The following ZNF138 variants were observed in gnomAD, a reference collection of about 807,000 sequenced individuals.
ZNF138 encodes the protein zinc finger protein 138.
Under a neutral mutation model 33.0 loss-of-function variants are expected in ZNF138, and 33 were observed. The ratio of observed to expected loss-of-function variants is 1.00; its 90% CI spans 0.76 to 1.34. The LOEUF (loss-of-function observed/expected upper bound fraction) is 1.34, where lower values mean the gene tolerates loss of function less well. Ranked by LOEUF, ZNF138 falls within the 40% of genes most tolerant of loss-of-function variation. The pLI is 0.00. For missense variants in ZNF138, 360 were observed against 370.8 expected (o/e 0.97, Z 0.24); for synonymous variants, 139 against 120.4 (o/e 1.15, Z -1.01).
chr7:64,831,222 T>C (rs1790054222), intron 3 of ZNF138: 1 of 1,198,694 alleles, frequency 8.3e-7, no homozygotes, highest in African/African-American at 1.5e-5. Context: ...TGTGGCTCTT[T>C]GCATTGTGCA....
intron 3 of ZNF138, among the ~76,000 whole-genome samples, chr7:64,817,590 A>G (rs894170691): frequency 1.3e-5 from 2 of 152,092 alleles, no homozygotes; most frequent in African/African-American, 4.8e-5. Flanking sequence ...CAATTCTCCA[A>G]TGTGAATGTA....
the ZNF138 span, chr7:64,852,586 T>C: frequency 6.5e-7 from 1 of 1,540,416 alleles, no homozygotes; most frequent in South Asian, 1.1e-5. Context: ...TTTGCTCACA[T>C]GGTAAACAGA....
At chr7:64,821,915 CTTTTTTTT>C (rs143245584) in intron 3 of ZNF138, among the ~76,000 whole-genome samples, 1 of 85,680 alleles carries the variant, frequency 1.2e-5, no homozygotes. Flanking sequence ...CAAATATTGT[CTTTTTTTT>C]TTTTTTTTTT....
Position 64,817,988 on chromosome 7 carries a change from T to C in ZNF138, c.208+2335T>C, listed in dbSNP as rs1583850413. On this transcript the variant is annotated intron_variant, in intron 3 of 3. Transcript: ENST00000307355. ...ATCTTAATAATAACATTATTTATTA[T>C]TATTATTATTTTTTTTTTTTTTTGA... Among the ~76,000 whole-genome samples, 3 of 129,294 alleles carry C rather than the reference T, an allele frequency of 2.3e-5. No homozygotes were observed. In the East Asian group the frequency reaches 6.6e-4, roughly 28 times the overall value. 84.8% of individuals were successfully genotyped at this position (129,294 alleles called of 152,430 possible).
intron 1 of ZNF138, among the ~76,000 whole-genome samples, chr7:64,807,666 T>C (rs1787720661): frequency 1.3e-5 from 2 of 152,210 alleles, no homozygotes; most frequent in Non-Finnish European, 2.9e-5. Context: ...GGATTCAGAA[T>C]GTACAGAAAA....
At position 64,802,978 on chromosome 7, in the gene ZNF138, C is replaced by T. The variant is rs555937789; in HGVS notation, c.3+8407C>T. On this transcript the variant is annotated intron_variant, in intron 1 of 3. Transcript: ENST00000307355. ...TGGCATGAGTGACTATTTTTCCCTA[C>T]CCCCCTCTTACATAACAATTGTGTA... is the stretch of plus-strand genomic sequence containing the variant. Among the ~76,000 whole-genome samples the T allele has an allele frequency of 2.0e-5, 3 of 151,902 alleles. No homozygotes were observed. The East Asian group carries it at 5.8e-4, about 29-fold the overall frequency.
chr7:64,839,718 C>A, the ZNF138 span, among the ~76,000 whole-genome samples: 7 of 152,284 alleles, frequency 4.6e-5, no homozygotes, highest in East Asian at 1.4e-3. Context: ...AGAAGCCTGA[C>A]CTGACTGAGG....
At chr7:64,837,594 G>A (rs1487856670), downstream of ZNF138, among the ~76,000 whole-genome samples, 1 of 152,152 alleles carries the variant, frequency 6.6e-6, no homozygotes, top group Non-Finnish European at 1.5e-5. Flanking sequence ...GGTTACCCAA[G>A]ATTGGCGCGT....
chr7:64,823,484 C>A (rs1250413296), intron 3 of ZNF138, among the ~76,000 whole-genome samples: 1 of 152,084 alleles, frequency 6.6e-6, no homozygotes, highest in Non-Finnish European at 1.5e-5. Flanking sequence ...TACAGACATG[C>A]ACTACCATGT....
chr7:64,839,131 G>A, the ZNF138 span, among the ~76,000 whole-genome samples: 158 of 152,360 alleles, frequency 1.0e-3, no homozygotes, highest in South Asian at 2.1e-3. Flanking sequence ...CCTCGCCTCT[G>A]ACAAAAATTG....
At chr7:64,850,806 T>G in the ZNF138 span, among the ~76,000 whole-genome samples, 1 of 152,176 alleles carries the variant, frequency 6.6e-6, no homozygotes, top group Non-Finnish European at 1.5e-5. Flanking sequence ...TACAGGAAAT[T>G]TATTCACTCT....
At chr7:64,849,411 C>T in the ZNF138 span, among the ~76,000 whole-genome samples, 2 of 152,150 alleles carry the variant, frequency 1.3e-5, no homozygotes, top group Non-Finnish European at 2.9e-5. Flanking sequence ...TTTTTGTACT[C>T]GTTGGCTACT....
intron 1 of ZNF138, among the ~76,000 whole-genome samples, chr7:64,813,455 A>G (rs1170005097): frequency 7.3e-6 from 1 of 137,662 alleles, no homozygotes; most frequent in Non-Finnish European, 1.6e-5. Flanking sequence ...TTTTTTTTTA[A>G]TGGAGTCTCG....
intron 3 of ZNF138, among the ~76,000 whole-genome samples, chr7:64,821,146 GTGGTGCAATCT>G (rs1353476983): frequency 1.5e-5 from 2 of 129,908 alleles, no homozygotes; most frequent in Non-Finnish European, 3.3e-5. Flanking sequence ...CTGGAGTGCA[GTGGTGCAATCT>G]CGGCTCGCTG....
intron 1 of ZNF138, among the ~76,000 whole-genome samples, chr7:64,812,113 A>G (rs1028156133): frequency 2.3e-4 from 11 of 48,052 alleles, no homozygotes; most frequent in African/African-American, 7.4e-4. Context: ...TCAGGTGAGG[A>G]CAGAATCAAG....
chr7:64,807,910 A>T (rs920958238), intron 1 of ZNF138, among the ~76,000 whole-genome samples: 1 of 152,216 alleles, frequency 6.6e-6, no homozygotes, highest in Admixed American at 6.5e-5. Context: ...AACTGTACCT[A>T]CCCATAAAAT....
At chr7:64,811,453 C>T (rs1027042730) in intron 1 of ZNF138, among the ~76,000 whole-genome samples, 2 of 152,142 alleles carry the variant, frequency 1.3e-5, no homozygotes, top group Non-Finnish European at 2.9e-5. Flanking sequence ...TCAAGTGATT[C>T]TCCTACCTCG....
the ZNF138 span, among the ~76,000 whole-genome samples, chr7:64,840,277 C>T: frequency 1.3e-5 from 2 of 152,094 alleles, no homozygotes; most frequent in African/African-American, 4.8e-5. Flanking sequence ...TCCTACCTTA[C>T]TCAAGGGTGT....
chr7:64,827,370 G>A (rs929255371), intron 3 of ZNF138, among the ~76,000 whole-genome samples: 1 of 151,518 alleles, frequency 6.6e-6, no homozygotes, highest in African/African-American at 2.4e-5. Context: ...TCAGCCTCCC[G>A]AGTAGCTGGG....
Sources: allele counts gnomAD v4.1 joint callset (sites outside exome capture counted in the v4.1 genomes callset), GRCh38; gene constraint gnomAD v4.1.1; transcripts MANE v1.5; gene names NCBI Gene and HGNC (gene_info 2026-07-23, HGNC 2026-07-21).